Variants in RIMS2 observed in about 807,000 individuals in gnomAD.
RIMS2 encodes the protein regulating synaptic membrane exocytosis 2.
RIMS2 carries 59 observed loss-of-function variants against 174.4 expected under a neutral mutation model. The observed-to-expected ratio is 0.34, with a 90% CI of 0.27 to 0.42. The LOEUF is 0.42. Among genes scored for constraint, RIMS2 ranks in the 10% least tolerant of loss-of-function variants. RIMS2 has a pLI of 1.00. For synonymous variants in RIMS2, 606 were observed against 572.5 expected (o/e 1.06, Z -0.84); for missense variants, 1,620 against 1,666.3 (o/e 0.97, Z 0.48).
intron 19 of RIMS2, among the ~76,000 whole-genome samples, chr8:104,094,297 T>C (rs1460875109): frequency 6.6e-6 from 1 of 152,122 alleles, no homozygotes; most frequent in African/African-American, 2.4e-5. Flanking sequence ...AATTAAGTGC[T>C]ATTTATACAG....
chr8:104,248,664 G>C, intron 20 of RIMS2, 37 bp from the exon 27 acceptor site: 1 of 1,077,096 alleles, frequency 9.3e-7, no homozygotes, highest in Non-Finnish European at 1.4e-6. Flanking sequence ...ATAAATAGGG[G>C]TTGGGGATTT....
chr8:103,925,998 G>A (rs1023665194), intron 10 of RIMS2, among the ~76,000 whole-genome samples: 1 of 151,662 alleles, frequency 6.6e-6, no homozygotes, highest in South Asian at 2.1e-4. Flanking sequence ...AAGATTAGGT[G>A]TAAATTGCCA....
intron 3 of RIMS2, among the ~76,000 whole-genome samples, chr8:103,786,842 C>T (rs998291694): frequency 1.6e-4 from 24 of 152,088 alleles, no homozygotes; most frequent in Non-Finnish European, 2.6e-4. Context: ...CTTTCTGTTT[C>T]GTTGATCTGT....
intron 3 of RIMS2, among the ~76,000 whole-genome samples, chr8:103,877,660 A>G (rs2099147741): frequency 1.3e-5 from 2 of 151,850 alleles, no homozygotes; most frequent in African/African-American, 4.8e-5. Context: ...GAAGTCAGGT[A>G]GTGTGATGAC....
chr8:104,163,678 T>C (rs2098778695), intron 19 of RIMS2, among the ~76,000 whole-genome samples: 1 of 152,246 alleles, frequency 6.6e-6, no homozygotes, highest in African/African-American at 2.4e-5. Flanking sequence ...CTAGTGTATT[T>C]CTCTTAGGCA....
chr8:103,759,747 T>C (rs2098087955), intron 2 of RIMS2, among the ~76,000 whole-genome samples: 1 of 152,022 alleles, frequency 6.6e-6, no homozygotes, highest in African/African-American at 2.4e-5. Context: ...ATAGACAGCT[T>C]TTGCCATAGT....
At chr8:104,194,675 A>G (rs1428609223) in intron 19 of RIMS2, among the ~76,000 whole-genome samples, 1 of 152,184 alleles carries the variant, frequency 6.6e-6, no homozygotes, top group Non-Finnish European at 1.5e-5. Flanking sequence ...CAATGAATAA[A>G]TAGACATATT....
In RIMS2 at chr8:103,697,315, CA is replaced by C; in HGVS notation, c.387+20del. 3 of 1,538,860 alleles carry C rather than the reference CA, an allele frequency of 1.9e-6. No individual in the cohort carries two copies. Among genetic ancestry groups the C allele is most frequent in the Non-Finnish European group, 1.8e-6 (2 of 1,111,452 alleles). ...AAACAAGGTACAGAAATGAAAATTACAGTTCTCTTCTAGTTAAGCTTATTGT... is the reference window on the plus strand; with the variant it reads ...AAACAAGGTACAGAAATGAAAATTACGTTCTCTTCTAGTTAAGCTTATTGT... On this transcript the variant is annotated intron_variant, in intron 2 of 23. Transcript: ENST00000504942.
At chr8:103,685,449 C>G (rs925924122) in intron 1 of RIMS2, among the ~76,000 whole-genome samples, 1 of 152,094 alleles carries the variant, frequency 6.6e-6, no homozygotes, top group Non-Finnish European at 1.5e-5. Context: ...GGGATCCACC[C>G]CCATGACCCA....
chr8:103,561,274 G>A (rs1053327973), intron 1 of RIMS2, among the ~76,000 whole-genome samples: 2 of 151,932 alleles, frequency 1.3e-5, no homozygotes, highest in Non-Finnish European at 2.9e-5. Flanking sequence ...TTTTGATCTG[G>A]CTAGATAAAA....
At chr8:103,920,322 A>T (rs1331558582) in intron 9 of RIMS2, among the ~76,000 whole-genome samples, 1 of 151,988 alleles carries the variant, frequency 6.6e-6, no homozygotes, top group African/African-American at 2.4e-5. Flanking sequence ...ACATGCCTGG[A>T]TGTTCAAAGA....
chr8:103,791,314 T>A (rs200332517), intron 3 of RIMS2, among the ~76,000 whole-genome samples: 1 of 152,058 alleles, frequency 6.6e-6, no homozygotes, highest in African/African-American at 2.4e-5. Context: ...TCATATCCAG[T>A]CAAACTAAGC....
intron 19 of RIMS2, among the ~76,000 whole-genome samples, chr8:104,171,024 G>A (rs895181067): frequency 2.0e-5 from 3 of 152,124 alleles, no homozygotes; most frequent in Non-Finnish European, 2.9e-5. Context: ...GAAGTCTGCT[G>A]TTAGTCTGAT....
At chr8:104,197,002 T>A (rs1314124410) in intron 19 of RIMS2, among the ~76,000 whole-genome samples, 5 of 152,172 alleles carry the variant, frequency 3.3e-5, no homozygotes, top group Admixed American at 2.0e-4. Context: ...TTCCTATAGA[T>A]AAATCAGGCA....
chr8:103,717,138 C>CTTTTT (rs11373218), intron 2 of RIMS2, among the ~76,000 whole-genome samples: 290 of 112,902 alleles, frequency 2.6e-3, no homozygotes, highest in East Asian at 5.0e-3. Context: ...ATAGTGCCTT[C>CTTTTT]TTTTTTTTTT....
At chr8:103,955,401 C>T (rs1037226756) in intron 14 of RIMS2, among the ~76,000 whole-genome samples, 3 of 152,132 alleles carry the variant, frequency 2.0e-5, no homozygotes, top group Non-Finnish European at 4.4e-5. Context: ...GGTTGTCCAC[C>T]ACAATCAAGT....
At chr8:103,828,724 C>A (rs928912731) in intron 3 of RIMS2, among the ~76,000 whole-genome samples, 1 of 151,804 alleles carries the variant, frequency 6.6e-6, no homozygotes, top group African/African-American at 2.4e-5. Context: ...TTTAATCCAT[C>A]TTAAGTTGAT....
At chr8:103,926,287 A>C (rs1321489075) in intron 10 of RIMS2, among the ~76,000 whole-genome samples, 1 of 151,552 alleles carries the variant, frequency 6.6e-6, no homozygotes, top group African/African-American at 2.4e-5. Context: ...TTCTCTATGA[A>C]TTTCATATAT....
intron 1 of RIMS2, among the ~76,000 whole-genome samples, chr8:103,636,504 C>T (rs1386633495): frequency 9.8e-6 from 1 of 102,066 alleles, no homozygotes; most frequent in African/African-American, 4.4e-5. Context: ...GGTTTCTCCC[C>T]TGGGAAGGGT....
Sources: allele counts gnomAD v4.1 joint callset (sites outside exome capture counted in the v4.1 genomes callset), GRCh38; gene constraint gnomAD v4.1.1; transcripts MANE v1.5; gene names NCBI Gene and HGNC (gene_info 2026-07-23, HGNC 2026-07-21).